The following METTL25B variants were observed in gnomAD, a reference collection of about 807,000 sequenced individuals.
METTL25B encodes the protein methyltransferase-like protein 25B.
METTL25B carries 38 observed loss-of-function variants against 48.4 expected under a neutral mutation model. That is an observed-to-expected ratio of 0.78 (90% CI 0.61 to 1.03). The LOEUF is 1.03. Among genes scored for constraint, METTL25B ranks in the 50% least tolerant of loss-of-function variants. The probability of loss-of-function intolerance (pLI) is 0.00; values close to 1 mark genes in which losing one functional copy is unlikely to be tolerated. For synonymous variants in METTL25B, 230 were observed against 254.5 expected (o/e 0.90, Z 0.92); for missense variants, 537 against 603.7 (o/e 0.89, Z 1.16).
At chr1:156,729,261 G>T in intron 1 of METTL25B, 46 bp downstream of exon 1, 1 of 1,152,140 alleles carries the variant, frequency 8.7e-7, no homozygotes, top group Non-Finnish European at 1.3e-6. Context: ...TCGTGTGGTT[G>T]GCTAGGTGCC....
Position 156,736,645 on chromosome 1 carries a change from G to T in METTL25B, c.1320G>T (p.Glu440Asp). Residue 440 changes from glutamate (E) to aspartate (D), a missense_variant, in exon 8 of 8, where the codon GAG (glutamate) becomes GAT (aspartate). By Grantham distance (45) the Glu-to-Asp change is conservative. Transcript: ENST00000368216. ...CCTTTCTCCCAGGTTTCCATGCTGAGCTCCTGCCCATCTTCAGTCCTGAAC... is the reference window on the plus strand; with the variant it reads ...CCTTTCTCCCAGGTTTCCATGCTGATCTCCTGCCCATCTTCAGTCCTGAAC... ...LYLQEQGFHA[E>D]LLPIFSPELS... 3.1e-6 allele frequency: 5 copies of T among 1,614,046 alleles called. No individual in the cohort carries two copies. The highest frequency in any genetic ancestry group is 4.2e-6 in the Non-Finnish European group (5 of 1,180,032).
intron 1 of METTL25B, among the ~76,000 whole-genome samples, chr1:156,731,324 A>G (rs930380107): frequency 1.3e-5 from 2 of 152,174 alleles, no homozygotes; most frequent in Admixed American, 6.5e-5. Flanking sequence ...GGGTTTCACC[A>G]TATTGGCCAG....
chr1:156,730,574 AAT>A, intron 1 of METTL25B, among the ~76,000 whole-genome samples: 1 of 151,366 alleles, frequency 6.6e-6, no homozygotes. Context: ...AATAAAATAA[AAT>A]AAAAAAATAG....
chr1:156,732,921 A>G, intron 3 of METTL25B, 64 bp from the exon 4 acceptor site: 3 of 1,372,836 alleles, frequency 2.2e-6, no homozygotes, highest in Non-Finnish European at 3.1e-6. Flanking sequence ...CACTCTCAGT[A>G]TGGGTGTTTG....
At chr1:156,736,374 C>T in intron 7 of METTL25B, 1 of 391,384 alleles carries the variant, frequency 2.6e-6, no homozygotes. Flanking sequence ...TATTAAGATT[C>T]CTACCAAATC....
chr1:156,736,284 C>T, intron 7 of METTL25B: 1 of 252,122 alleles, frequency 4.0e-6, no homozygotes, highest in Non-Finnish European at 7.7e-6. Context: ...TGCTTGAACC[C>T]AGGAGGCGGA....
At chr1:156,731,796 C>T (rs558329991) in intron 1 of METTL25B, among the ~76,000 whole-genome samples, 195 bp from the exon 2 acceptor site, 1 of 152,336 alleles carries the variant, frequency 6.6e-6, no homozygotes, top group African/African-American at 2.4e-5. Flanking sequence ...AGTTAAGCCA[C>T]CAGAGTCGGG....
intron 6 of METTL25B, 41 bp from the exon 7 acceptor site, chr1:156,735,684 C>T: frequency 6.6e-7 from 1 of 1,517,154 alleles, no homozygotes. Flanking sequence ...GGTGACAGTT[C>T]TTAAAACCAA....
chr1:156,734,099 G>A lies in METTL25B; in HGVS notation c.727G>A (p.Glu243Lys). The change falls in exon 6 of 8, where the codon GAG becomes AAG. Residue 243 changes from glutamate (E) to lysine (K), a missense_variant. By Grantham distance (56) the Glu-to-Lys change is moderately conservative (BLOSUM62 1). Coordinates refer to ENST00000368216, the MANE Select transcript of METTL25B (RefSeq NM_015997.4). ...ALCEELLLPLENPCQGRARLL... is the reference protein window; with the variant it reads ...ALCEELLLPLKNPCQGRARLL... Reference sequence around the variant, plus strand: ...GTGTGAGGAGCTTCTGCTTCCACTGGAGAACCCGTGTCAGGGCAGGGCCCG... The same window carrying A: ...GTGTGAGGAGCTTCTGCTTCCACTGAAGAACCCGTGTCAGGGCAGGGCCCG... 6.2e-7 allele frequency: 1 copy of A among 1,614,202 alleles called. No individual in the cohort carries two copies. The highest frequency in any genetic ancestry group is 1.7e-5 in the Admixed American group (1 of 60,028).
rs201070518 is a variant in METTL25B at position 156,733,540 on chromosome 1, G to A, written c.636+20G>A. 2.7e-5 allele frequency: 43 copies of A among 1,611,136 alleles called. No homozygotes were observed. The South Asian group carries it at 2.9e-4, about 11-fold the overall frequency. On this transcript the variant is annotated intron_variant, in intron 5 of 7. Coordinates refer to ENST00000368216, the MANE Select transcript of METTL25B (RefSeq NM_015997.4). ...CCGCAGGTAGGCCAACCCTTCCTGC[G>A]ACCTGGACTGCAGGAGCAGGGGCTG... is the stretch of plus-strand genomic sequence containing the variant.
At position 156,733,456 on chromosome 1, in the gene METTL25B, G is replaced by A. The variant is rs748202099; in HGVS notation, c.572G>A (p.Arg191Lys). ...GAAGGGGATCAGAGACTGGTGGAGA[G>A]AGCCCAGCGCCTGGACCAGGAGCTT... ...SIEGDQRLVE[R>K]AQRLDQELLQ... Residue 191 changes from arginine to lysine, a missense_variant, in exon 5 of 8, where the codon AGA (arginine) becomes AAA (lysine). Coordinates refer to ENST00000368216, the MANE Select transcript of METTL25B (RefSeq NM_015997.4). 3 of 1,614,142 alleles carry A rather than the reference G, an allele frequency of 1.9e-6. No homozygotes were observed. Among genetic ancestry groups the A allele is most frequent in the East Asian group, 2.2e-5 (1 of 44,872 alleles).
At chr1:156,734,780 C>T (rs1332225057) in intron 6 of METTL25B, among the ~76,000 whole-genome samples, 1 of 151,700 alleles carries the variant, frequency 6.6e-6, no homozygotes, top group African/African-American at 2.4e-5. Context: ...GTCCGCCCAC[C>T]TCGGCCTCCC....
At position 156,729,185 on chromosome 1, in the gene METTL25B, C is replaced by T; in HGVS notation, c.81C>T (p.Leu27=). ...LAVNLTRVLA[L]YRSILDAYII... ...TTAACCTCACCCGTGTCCTGGCACT[C>T]TACCGTTCCATCTTGGATGCCTACA... Residue 27 remains leucine, a synonymous_variant, in exon 1 of 8, where the codon CTC becomes CTT. Coordinates refer to ENST00000368216, the MANE Select transcript of METTL25B (RefSeq NM_015997.4). 1 of 1,611,512 alleles carries T rather than the reference C, an allele frequency of 6.2e-7. No homozygotes were observed. Among genetic ancestry groups the T allele is most frequent in the South Asian group, 1.1e-5 (1 of 90,828 alleles).
At position 156,734,002 on chromosome 1, in the gene METTL25B, T is replaced by G; in HGVS notation, c.637-7T>G. The G allele has an allele frequency of 6.3e-7, 1 of 1,588,078 alleles. No individual in the cohort carries two copies. The highest frequency in any genetic ancestry group is 8.6e-7 in the Non-Finnish European group (1 of 1,165,444). On this transcript the variant is annotated splice_region_variant and splice_polypyrimidine_tract_variant and intron_variant, in intron 5 of 7. Transcript: ENST00000368216. ...CCATCTGCCTTTGTCCTTTCCTGCT[T>G]CCACAGGTGGTCCAAACCAGCCCTC...
In METTL25B at chr1:156,728,982, C is replaced by A; in HGVS notation, c.-123C>A. 1.7e-6 allele frequency: 1 copy of A among 584,902 alleles called. No individual in the cohort carries two copies. Among genetic ancestry groups the A allele is most frequent in the Non-Finnish European group, 2.8e-6 (1 of 350,926 alleles). The allele number at this position is 584,902 out of a possible 1,614,324, so 36.2% of individuals were successfully genotyped here. A position where few individuals can be genotyped will look rare whatever the true frequency, so the allele number is the denominator to read the frequency against. ...GGAAAGGCAGCGTCGGAGACTGGAC[C>A]CAAAACTCTTCCTGTTCTGCCTGCA... On this transcript the variant is annotated 5_prime_UTR_variant, in exon 1 of 8. Transcript: ENST00000368216.
Position 156,736,720 on chromosome 1 carries a change from G to C in METTL25B, c.1395G>C (p.Gln465His). The C allele has an allele frequency of 1.2e-6, 2 of 1,613,340 alleles. No homozygotes were observed. Among genetic ancestry groups the C allele is most frequent in the Non-Finnish European group, 1.7e-6 (2 of 1,180,024 alleles). ...VLVATKMPLG[Q>H]ALSVLETEDS Reference sequence around the variant, plus strand: ...TGGCCACCAAGATGCCCCTGGGTCAGGCTCTTTCTGTTCTGGAGACTGAAG... The same window carrying C: ...TGGCCACCAAGATGCCCCTGGGTCACGCTCTTTCTGTTCTGGAGACTGAAG... The change falls in exon 8 of 8, where the codon CAG becomes CAC. Residue 465 changes from glutamine (Q) to histidine (H), a missense_variant. By Grantham distance (24) the Gln-to-His change is conservative (BLOSUM62 0). Transcript: ENST00000368216.
chr1:156,729,859 G>C (rs1423125639), intron 1 of METTL25B, among the ~76,000 whole-genome samples: 5 of 152,208 alleles, frequency 3.3e-5, no homozygotes, highest in Non-Finnish European at 5.9e-5. Context: ...GAGAGAATGT[G>C]TAAATGGCAC....
chr1:156,734,883 A>G (rs986015277), intron 6 of METTL25B, among the ~76,000 whole-genome samples: 6 of 151,914 alleles, frequency 3.9e-5, no homozygotes, highest in African/African-American at 1.5e-4. Context: ...AGCATAGCCT[A>G]AAGAAAATCT....
In METTL25B at chr1:156,733,471, A is replaced by G. The variant is rs1227205633; in HGVS notation, c.587A>G (p.Asp196Gly). The G allele has an allele frequency of 9.9e-6, 16 of 1,614,078 alleles. No individual in the cohort carries two copies. The highest frequency in any genetic ancestry group is 1.7e-4 in the Middle Eastern group (1 of 6,048). ...CTGGTGGAGAGAGCCCAGCGCCTGGACCAGGAGCTTCTGCAGGCTCTGGAG... is the reference window on the plus strand; with the variant it reads ...CTGGTGGAGAGAGCCCAGCGCCTGGGCCAGGAGCTTCTGCAGGCTCTGGAG... ...QRLVERAQRL[D>G]QELLQALEKE... The change falls in exon 5 of 8, where the codon GAC becomes GGC. Residue 196 changes from aspartate (D) to glycine (G), a missense_variant. Asp to Gly is a moderately conservative substitution (Grantham distance 94). Coordinates refer to ENST00000368216, the MANE Select transcript of METTL25B (RefSeq NM_015997.4).
Sources: gnomAD v4.1 joint callset for allele counts (sites outside exome capture counted in the v4.1 genomes callset) on GRCh38, gnomAD v4.1.1 for gene constraint, MANE v1.5 for transcripts, NCBI Gene and HGNC (gene_info 2026-07-23, HGNC 2026-07-21) for gene names.